Variants in FAM161A observed in about 807,000 individuals in gnomAD.
The protein encoded by FAM161A is FAM161 centrosomal protein A, also known as protein FAM161A.
In FAM161A, 57 loss-of-function variants were observed where a neutral mutation model predicts 70.9. The ratio of observed to expected loss-of-function variants is 0.80; its 90% CI spans 0.65 to 1.00. The LOEUF (loss-of-function observed/expected upper bound fraction) is 1.00, where lower values mean the gene tolerates loss of function less well. FAM161A is among the 50% of genes least tolerant of loss of function. The probability of loss-of-function intolerance (pLI) is 0.00; values close to 1 mark genes in which losing one functional copy is unlikely to be tolerated. For missense variants in FAM161A, 880 were observed against 836.0 expected (o/e 1.05, Z -0.65); for synonymous variants, 299 against 295.7 (o/e 1.01, Z -0.12).
At chr2:61,814,846 A>G in the FAM161A span, among the ~76,000 whole-genome samples, 1 of 152,176 alleles carries the variant, frequency 6.6e-6, no homozygotes, top group African/African-American at 2.4e-5. Flanking sequence ...CTTCTCCTTC[A>G]AAGAGTTTGC....
chr2:61,853,794 C>G, intron 1 of FAM161A, 65 bp downstream of exon 1: 1 of 1,583,528 alleles, frequency 6.3e-7, no homozygotes, highest in Non-Finnish European at 8.6e-7. Flanking sequence ...GGCGGGGAAC[C>G]GGACAGCCCT....
chr2:61,846,145 T>C (rs1673205709), intron 1 of FAM161A, among the ~76,000 whole-genome samples: 1 of 148,308 alleles, frequency 6.7e-6, no homozygotes, highest in African/African-American at 2.5e-5. Flanking sequence ...ACAGAGTGTT[T>C]ATGGGAAAGA....
rs766830932 is a variant in FAM161A, at chr2:61,843,134, G to GT, written c.184-775dup. Among the ~76,000 whole-genome samples, 42 of 129,114 alleles carry GT rather than the reference G, an allele frequency of 3.3e-4. 1 individual carries two copies. Among genetic ancestry groups the GT allele is most frequent in the Admixed American group, 9.7e-4 (11 of 11,320 alleles). The allele number at this position is 129,114 out of a possible 152,430, so 84.7% of individuals were successfully genotyped here. On this transcript the variant is annotated intron_variant, in intron 1 of 6. Transcript: ENST00000404929. The stretch of plus-strand genomic sequence containing the variant: ...CCTCACTCCCTTTACATACCTTTCA[G>GT]TTTTTTTGTTTGTTTGTTTGTTTTT...
chr2:61,830,685 A>AAC (rs1672537445), intron 5 of FAM161A, among the ~76,000 whole-genome samples: 1 of 141,384 alleles, frequency 7.1e-6, no homozygotes, highest in Non-Finnish European at 1.6e-5. Flanking sequence ...CCCTGTCTCA[A>AAC]AAAAAAAAAA....
chr2:61,835,363 A>T (rs1251809065), intron 5 of FAM161A, among the ~76,000 whole-genome samples: 1 of 152,230 alleles, frequency 6.6e-6, no homozygotes, highest in East Asian at 1.9e-4. Flanking sequence ...AACCGGGCAT[A>T]AACTTAGTAA....
At chr2:61,817,852 G>A in the FAM161A span, among the ~76,000 whole-genome samples, 1 of 152,040 alleles carries the variant, frequency 6.6e-6, no homozygotes, top group Non-Finnish European at 1.5e-5. Flanking sequence ...AGTGGTCCCA[G>A]CTACTCAGAA....
chr2:61,850,613 C>T (rs993988755), intron 1 of FAM161A, among the ~76,000 whole-genome samples: 8 of 151,958 alleles, frequency 5.3e-5, no homozygotes, highest in South Asian at 2.1e-4. Flanking sequence ...ATTAGCTGGG[C>T]GTGGTGGCAT....
At chr2:61,805,099 C>G in the FAM161A span, among the ~76,000 whole-genome samples, 1 of 152,148 alleles carries the variant, frequency 6.6e-6, no homozygotes, top group Admixed American at 6.5e-5. Flanking sequence ...TTTAGACAAA[C>G]CTTTTCCATC....
the FAM161A span, among the ~76,000 whole-genome samples, chr2:61,812,920 T>A: frequency 6.6e-6 from 1 of 150,868 alleles, no homozygotes; most frequent in Non-Finnish European, 1.5e-5. Flanking sequence ...ATACAAAAAA[T>A]TAGCTGGGCG....
chr2:61,826,971 T>C, intron 6 of FAM161A, 133 bp downstream of exon 6: 2 of 792,790 alleles, frequency 2.5e-6, no homozygotes, highest in South Asian at 3.3e-5. Flanking sequence ...ACAGTTCATA[T>C]GTCTTTTACT....
At position 61,838,548 on chromosome 2, in the gene FAM161A, T is replaced by G. The variant is rs1263933465; in HGVS notation, c.1741A>C (p.Lys581Gln). 6.2e-7 allele frequency: 1 copy of G among 1,604,134 alleles called. No individual in the cohort carries two copies. The highest frequency in any genetic ancestry group is 8.5e-7 in the Non-Finnish European group (1 of 1,174,596). ...SLAQISKSRV[K>Q]CLRKSEKERM... ...ATTTTTTCATGATACCTGAGACATT[T>G]TACTCTGGATTTAGATATTTGAGCT... Residue 581 changes from lysine (K) to glutamine (Q), a missense_variant, in exon 4 of 7, where the codon AAA becomes CAA. Physicochemically the swap from Lys to Gln is moderately conservative, Grantham distance 53. Coordinates refer to ENST00000404929, the MANE Select transcript of FAM161A (RefSeq NM_001201543.2).
At chr2:61,816,792 G>C in the FAM161A span, among the ~76,000 whole-genome samples, 1 of 152,092 alleles carries the variant, frequency 6.6e-6, no homozygotes, top group Admixed American at 6.6e-5. Context: ...TGGAGCAAAT[G>C]ACCCTTCATT....
chr2:61,837,646 G>A (rs1672824263), intron 4 of FAM161A, among the ~76,000 whole-genome samples: 1 of 152,108 alleles, frequency 6.6e-6, no homozygotes, highest in Non-Finnish European at 1.5e-5. Flanking sequence ...GTGAGCACCT[G>A]TAATCCCAGC....
chr2:61,837,718 G>A (rs980944949), intron 4 of FAM161A, among the ~76,000 whole-genome samples: 9 of 152,080 alleles, frequency 5.9e-5, no homozygotes, highest in Non-Finnish European at 1.5e-5. Flanking sequence ...GTGACAGAGC[G>A]AGACTCTGTC....
the FAM161A span, among the ~76,000 whole-genome samples, chr2:61,809,197 T>C: frequency 6.6e-6 from 1 of 152,120 alleles, no homozygotes; most frequent in Non-Finnish European, 1.5e-5. Context: ...GAACACTCTC[T>C]CCTTGGCCCC....
rs557689353 is a variant in FAM161A, at chr2:61,832,009, C to T, written c.1851+4001G>A. Among the ~76,000 whole-genome samples, 15 of 151,994 alleles carry T rather than the reference C, an allele frequency of 9.9e-5. No homozygotes were observed. In the South Asian group the frequency reaches 1.2e-3, roughly 13 times the overall value. ...TTGGAATCCCGACACTTTGGAAGGC[C>T]GAGAAAGGAGGATTTCTTGAGCCCA... On this transcript the variant is annotated intron_variant, in intron 5 of 6. Coordinates refer to ENST00000404929, the MANE Select transcript of FAM161A (RefSeq NM_001201543.2).
At chr2:61,834,286 G>C (rs905078379) in intron 5 of FAM161A, among the ~76,000 whole-genome samples, 4 of 152,102 alleles carry the variant, frequency 2.6e-5, no homozygotes, top group African/African-American at 9.7e-5. Context: ...TCACTTACAA[G>C]TGGGAACTAA....
rs571034436 is a variant in FAM161A at position 61,836,888 on chromosome 2, C to T, written c.1752-779G>A. ...TGCGCCTGGCCTATTAATTTTGAGACAGGTTCTCACTTTGTTGTCCAGGCT... is the reference window on the plus strand; with the variant it reads ...TGCGCCTGGCCTATTAATTTTGAGATAGGTTCTCACTTTGTTGTCCAGGCT... On this transcript the variant is annotated intron_variant, in intron 4 of 6. Transcript: ENST00000404929. 2.3e-4 allele frequency: 49 copies of T among 214,860 alleles called. 2 individuals are homozygous for T. In the South Asian group the frequency reaches 2.6e-3, roughly 11 times the overall value. The allele number at this position is 214,860 out of a possible 1,614,324, so 13.3% of individuals were successfully genotyped here. A position where few individuals can be genotyped will look rare whatever the true frequency, so the allele number is the denominator to read the frequency against.
chr2:61,815,371 C>T, the FAM161A span, among the ~76,000 whole-genome samples: 1 of 151,942 alleles, frequency 6.6e-6, no homozygotes, highest in Non-Finnish European at 1.5e-5. Flanking sequence ...AGAACCTGTT[C>T]GTTGAATCCG....
Sources: allele counts gnomAD v4.1 joint callset (sites outside exome capture counted in the v4.1 genomes callset), GRCh38; gene constraint gnomAD v4.1.1; transcripts MANE v1.5; gene names NCBI Gene and HGNC (gene_info 2026-07-23, HGNC 2026-07-21).